Variants in GPC6 observed in about 807,000 individuals in gnomAD.
GPC6 encodes glypican 6, also known as glypican-6.
Under a neutral mutation model 55.2 loss-of-function variants are expected in GPC6, and 14 were observed. The ratio of observed to expected loss-of-function variants is 0.25; its 90% confidence interval spans 0.17 to 0.40. The LOEUF (loss-of-function observed/expected upper bound fraction) is 0.40. GPC6 is among the 10% of genes least tolerant of loss of function. GPC6 has a pLI of 1.00. For synonymous variants in GPC6, 278 were observed against 259.6 expected (o/e 1.07, Z -0.68); for missense variants, 641 against 708.5 (o/e 0.90, Z 1.08).
chr13:93,929,999 A>G lies in GPC6; in HGVS notation c.712-97730A>G, dbSNP rs570763731. Among the ~76,000 whole-genome samples, 5 of 152,196 alleles carry G rather than the reference A, an allele frequency of 3.3e-5. No individual in the cohort carries two copies. In the East Asian group the frequency reaches 9.7e-4, roughly 29 times the overall value. On this transcript the variant is annotated intron_variant, in intron 3 of 8. Transcript: ENST00000377047. ...ACTGACAGTAAGTTTACGGAGATTC[A>G]TTGTACCACTTTCTCCTTTTGTTGA...
At chr13:94,219,133 G>A (rs1023708658) in intron 4 of GPC6, among the ~76,000 whole-genome samples, 1 of 151,994 alleles carries the variant, frequency 6.6e-6, no homozygotes, top group African/African-American at 2.4e-5. Context: ...TAACCACAAC[G>A]GCAATAACAT....
chr13:93,364,899 C>T (rs1390690607), intron 1 of GPC6, among the ~76,000 whole-genome samples: 5 of 152,026 alleles, frequency 3.3e-5, no homozygotes, highest in East Asian at 1.9e-4. Context: ...CCTTCACCTC[C>T]GGTCTGTCTC....
chr13:93,862,386 G>A (rs56118807), intron 3 of GPC6, among the ~76,000 whole-genome samples: 1 of 151,442 alleles, frequency 6.6e-6, no homozygotes, highest in South Asian at 2.1e-4. Context: ...CTACTGCTCC[G>A]TGAGTTCATA....
chr13:94,061,540 A>G (rs868054738), intron 4 of GPC6, among the ~76,000 whole-genome samples: 2 of 152,090 alleles, frequency 1.3e-5, no homozygotes, highest in African/African-American at 4.8e-5. Flanking sequence ...CATGGTTAGC[A>G]GAGGATGAAT....
At chr13:93,877,878 C>T (rs1226634734) in intron 3 of GPC6, among the ~76,000 whole-genome samples, 2 of 151,912 alleles carry the variant, frequency 1.3e-5, no homozygotes, top group Non-Finnish European at 2.9e-5. Context: ...GGTGTTGATA[C>T]TCATAAATGA....
intron 8 of GPC6, among the ~76,000 whole-genome samples, chr13:94,399,094 C>T (rs183887352): frequency 1.3e-5 from 2 of 152,286 alleles, no homozygotes; most frequent in East Asian, 3.9e-4. Context: ...CTACAAATTA[C>T]TCTACTTCTT....
chr13:93,372,748 T>A (rs901942186), intron 1 of GPC6, among the ~76,000 whole-genome samples: 1 of 152,146 alleles, frequency 6.6e-6, no homozygotes, highest in African/African-American at 2.4e-5. Flanking sequence ...AAGACTTCAT[T>A]TTGGTTGAAG....
chr13:93,523,716 G>T (rs1054876400), intron 1 of GPC6, among the ~76,000 whole-genome samples: 1 of 152,066 alleles, frequency 6.6e-6, no homozygotes, highest in South Asian at 2.1e-4. Flanking sequence ...TCTTGATGTT[G>T]CTTTGCTAAC....
intron 1 of GPC6, among the ~76,000 whole-genome samples, chr13:93,278,849 A>G (rs982731626): frequency 2.0e-5 from 3 of 152,188 alleles, no homozygotes; most frequent in African/African-American, 7.2e-5. Flanking sequence ...TCTTGCCACA[A>G]AAACAAAAAA....
chr13:93,332,538 C>T (rs1417648953), intron 1 of GPC6, among the ~76,000 whole-genome samples: 1 of 151,924 alleles, frequency 6.6e-6, no homozygotes, highest in African/African-American at 2.4e-5. Flanking sequence ...TGATCATTTG[C>T]CCATTTAAAA....
At chr13:93,848,579 A>T (rs1201767267) in intron 3 of GPC6, among the ~76,000 whole-genome samples, 1 of 152,040 alleles carries the variant, frequency 6.6e-6, no homozygotes, top group African/African-American at 2.4e-5. Context: ...TATATTACTT[A>T]TCAATTACTT....
At chr13:93,483,103 A>G (rs1879578124) in intron 1 of GPC6, among the ~76,000 whole-genome samples, 1 of 152,198 alleles carries the variant, frequency 6.6e-6, no homozygotes, top group Non-Finnish European at 1.5e-5. Context: ...GCATGTTACA[A>G]TACTGGCAAT....
intron 4 of GPC6, among the ~76,000 whole-genome samples, chr13:94,223,189 T>C (rs1020591926): frequency 6.6e-6 from 1 of 152,138 alleles, no homozygotes; most frequent in Non-Finnish European, 1.5e-5. Flanking sequence ...AATACCTAAT[T>C]GCCTTTGATT....
intron 1 of GPC6, among the ~76,000 whole-genome samples, chr13:93,355,104 A>G (rs886201473): frequency 5.3e-5 from 8 of 152,344 alleles, no homozygotes; most frequent in Middle Eastern, 6.8e-3. Context: ...TCTTCAAAAT[A>G]TAAGCAGCCA....
At chr13:94,316,663 G>C (rs1161407914) in intron 6 of GPC6, among the ~76,000 whole-genome samples, 1 of 149,034 alleles carries the variant, frequency 6.7e-6, no homozygotes. Context: ...CTTGCAGTGA[G>C]CCGAGATCCC....
At chr13:94,021,849 A>C (rs1011298627) in intron 3 of GPC6, among the ~76,000 whole-genome samples, 5 of 152,098 alleles carry the variant, frequency 3.3e-5, no homozygotes, top group Non-Finnish European at 5.9e-5. Context: ...TCAAAATCTC[A>C]CTTAGTTGGC....
intron 3 of GPC6, among the ~76,000 whole-genome samples, chr13:93,916,771 G>C: frequency 6.9e-6 from 1 of 144,582 alleles, no homozygotes; most frequent in Non-Finnish European, 1.5e-5. Flanking sequence ...TTTGAAGGAT[G>C]ATAAAACTGC....
At chr13:93,334,534 C>T (rs538376766) in intron 1 of GPC6, among the ~76,000 whole-genome samples, 16 of 152,280 alleles carry the variant, frequency 1.1e-4, no homozygotes, top group African/African-American at 3.1e-4. Context: ...ACAATCTCAG[C>T]TCCCTGCAAC....
At chr13:93,414,838 G>A (rs1451885264) in intron 1 of GPC6, among the ~76,000 whole-genome samples, 1 of 151,986 alleles carries the variant, frequency 6.6e-6, no homozygotes, top group African/African-American at 2.4e-5. Context: ...GATTTGCTTA[G>A]GTGAACTAAA....
Sources: allele counts gnomAD v4.1 joint callset (sites outside exome capture counted in the v4.1 genomes callset), GRCh38; gene constraint gnomAD v4.1.1; transcripts MANE v1.5; gene names NCBI Gene and HGNC (gene_info 2026-07-23, HGNC 2026-07-21).